VAC14: variants seen among roughly 807,000 people sequenced by gnomAD.
The protein encoded by VAC14 is VAC14 component of PIKFYVE complex, also known as protein VAC14 homolog.
VAC14 carries 47 observed loss-of-function variants against 85.3 expected under a neutral mutation model. The ratio of observed to expected loss-of-function variants is 0.55; its 90% CI spans 0.44 to 0.70. VAC14 has a LOEUF of 0.70. Ranked by LOEUF, VAC14 falls within the 30% of genes least tolerant of loss-of-function variation. The pLI, the probability that VAC14 is intolerant of heterozygous loss-of-function variation, is 0.00. For synonymous variants in VAC14, 447 were observed against 430.5 expected, an observed-to-expected ratio of 1.04 and a Z score of -0.47; for missense variants, 861 against 1,004.3, an observed-to-expected ratio of 0.86 and a Z score of 1.93.
At chr16:70,765,533 G>A (rs1168620223) in intron 10 of VAC14, among the ~76,000 whole-genome samples, 3 of 152,168 alleles carry the variant, frequency 2.0e-5, no homozygotes, top group Admixed American at 1.3e-4. Context: ...CTTCCATTTC[G>A]GGGAAGAGGG....
In VAC14 at chr16:70,721,711, C is replaced by T. The variant is rs747687212; in HGVS notation, c.1661+9784G>A. 2.6e-5 allele frequency among the ~76,000 whole-genome samples: 4 copies of T among 152,170 alleles called. No individual in the cohort carries two copies. In the South Asian group the frequency reaches 8.3e-4, roughly 31 times the overall value. ...GCTGCATGGGACAGCCATTGTGCCT[C>T]TCTGGGCTGCAGAACACGAACCCTC... is the stretch of plus-strand genomic sequence containing the variant. On this transcript the variant is annotated intron_variant, in intron 14 of 18. Coordinates refer to ENST00000261776, the MANE Select transcript of VAC14 (RefSeq NM_018052.5).
intron 13 of VAC14, among the ~76,000 whole-genome samples, chr16:70,736,169 T>C (rs149465067): frequency 1.3e-5 from 2 of 152,244 alleles, no homozygotes; most frequent in Non-Finnish European, 2.9e-5. Context: ...GCACTGAGCA[T>C]GGTGTTTAAG....
chr16:70,773,763 A>ATTATTAT (rs969338368), intron 9 of VAC14, among the ~76,000 whole-genome samples: 10 of 151,756 alleles, frequency 6.6e-5, no homozygotes, highest in Non-Finnish European at 1.2e-4. Flanking sequence ...TTCAATTATT[A>ATTATTAT]TTATTATTAT....
chr16:70,717,266 G>C (rs915599279), intron 14 of VAC14, among the ~76,000 whole-genome samples: 8 of 152,226 alleles, frequency 5.3e-5, no homozygotes, highest in African/African-American at 1.9e-4. Flanking sequence ...GAGAGGGCCG[G>C]AGCGAGCCAC....
Position 70,783,445 on chromosome 16 carries a change from A to T in VAC14, c.704T>A (p.Met235Lys). The change falls in exon 6 of 19, where the codon ATG becomes AAG. Residue 235 changes from methionine (M) to lysine (K), a missense_variant and splice_region_variant. Met to Lys is a moderately conservative substitution (Grantham distance 95). This residue lies in a region of VAC14 where 629 missense variants were observed against 703.1 expected (regional missense o/e 0.89). Transcript: ENST00000261776. ...LGDNGKEIRK[M>K]CEVVLGEFLK... is the part of the protein sequence containing the mutation. Reference sequence around the variant, plus strand: ...GCTTCCTGCCCCTTACTCCACTCACATTTTGCGAATCTCTTTGCCATTGTC... The same window carrying T: ...GCTTCCTGCCCCTTACTCCACTCACTTTTTGCGAATCTCTTTGCCATTGTC... 3.1e-6 allele frequency: 5 copies of T among 1,613,896 alleles called. No homozygotes were observed. Among genetic ancestry groups the T allele is most frequent in the Non-Finnish European group, 4.2e-6 (5 of 1,179,998 alleles).
intron 1 of VAC14, among the ~76,000 whole-genome samples, chr16:70,794,177 G>A (rs1457680285): frequency 6.6e-6 from 1 of 152,162 alleles, no homozygotes; most frequent in African/African-American, 2.4e-5. Flanking sequence ...TTAGAGTGTA[G>A]GTGTCAGCAG....
At chr16:70,710,731 G>A (rs912140021) in intron 14 of VAC14, among the ~76,000 whole-genome samples, 2 of 152,342 alleles carry the variant, frequency 1.3e-5, no homozygotes, top group East Asian at 3.9e-4. Flanking sequence ...GCCCACACTC[G>A]GCCCCTCTGG....
At chr16:70,738,143 G>A (rs1300665745) in intron 13 of VAC14, among the ~76,000 whole-genome samples, 1 of 152,222 alleles carries the variant, frequency 6.6e-6, no homozygotes, top group Non-Finnish European at 1.5e-5. Context: ...AGGCTGGTAT[G>A]GAACCAAGAG....
At chr16:70,763,571 G>C (rs1266717882) in intron 10 of VAC14, among the ~76,000 whole-genome samples, 1 of 152,236 alleles carries the variant, frequency 6.6e-6, no homozygotes, top group Non-Finnish European at 1.5e-5. Context: ...GTCAGGGATC[G>C]AGGCTTGTCA....
At chr16:70,759,023 T>C (rs1351852663) in intron 12 of VAC14, among the ~76,000 whole-genome samples, 1 of 152,052 alleles carries the variant, frequency 6.6e-6, no homozygotes, top group Non-Finnish European at 1.5e-5. Context: ...TGAGGAACAA[T>C]GGCAGACGAG....
chr16:70,692,823 G>T lies in VAC14; in HGVS notation c.2184C>A (p.Thr728=), dbSNP rs776495086. ...AGCAGTCCCCAGCCGGCACTCACTCGGTCTGCAGCAGCTCAGGGTTGGGCA... is the reference window on the plus strand; with the variant it reads ...AGCAGTCCCCAGCCGGCACTCACTCTGTCTGCAGCAGCTCAGGGTTGGGCA... The part of the protein sequence containing the change: ...QCVPNPELLQ[T]EDSLKAAPKS... The change falls in exon 18 of 19, where the codon ACC becomes ACA. Residue 728 remains threonine, a splice_region_variant and synonymous_variant. Transcript: ENST00000261776. The T allele has an allele frequency of 1.3e-6, 2 of 1,598,030 alleles. No individual in the cohort carries two copies. The highest frequency in any genetic ancestry group is 1.3e-5 in the African/African-American group (1 of 74,970).
intron 12 of VAC14, among the ~76,000 whole-genome samples, chr16:70,759,950 A>G (rs2032186240): frequency 1.3e-5 from 2 of 152,146 alleles, no homozygotes; most frequent in South Asian, 4.1e-4. Flanking sequence ...CTCAGGCCAT[A>G]GTTTTTAGAA....
At chr16:70,698,590 C>T (rs746518516) in intron 15 of VAC14, 47 bp downstream of exon 15, 6 of 1,607,846 alleles carry the variant, frequency 3.7e-6, no homozygotes, top group South Asian at 1.1e-5. Flanking sequence ...GGTGTGCCCC[C>T]TGGCATGCAG....
intron 16 of VAC14, among the ~76,000 whole-genome samples, chr16:70,696,235 A>T (rs1461972394): frequency 6.6e-6 from 1 of 152,152 alleles, no homozygotes; most frequent in Non-Finnish European, 1.5e-5. Context: ...AAATCTGGCC[A>T]GGCGCGGTGG....
At chr16:70,783,922 G>A (rs900438645) in intron 5 of VAC14, among the ~76,000 whole-genome samples, 191 bp downstream of exon 5, 4 of 152,198 alleles carry the variant, frequency 2.6e-5, no homozygotes, top group Admixed American at 1.3e-4. Flanking sequence ...ACAAGAACCT[G>A]ATCCCTTCAG....
intron 13 of VAC14, among the ~76,000 whole-genome samples, chr16:70,733,005 A>C (rs1284066259): frequency 3.3e-5 from 5 of 152,226 alleles, no homozygotes; most frequent in Non-Finnish European, 7.3e-5. Context: ...TCCATATACC[A>C]TAAGGTTAAT....
chr16:70,799,796 G>A lies in VAC14; in HGVS notation c.104+1001C>T, dbSNP rs151225557. Among the ~76,000 whole-genome samples, 4 of 152,316 alleles carry A rather than the reference G, an allele frequency of 2.6e-5. No individual in the cohort carries two copies. The East Asian group carries it at 7.7e-4, about 29-fold the overall frequency. On this transcript the variant is annotated intron_variant, in intron 1 of 18. Coordinates refer to ENST00000261776, the MANE Select transcript of VAC14 (RefSeq NM_018052.5). ...GAATAGATTAGAGCAGTCCAATAGA[G>A]CATTCTGCAATGATGGAAACAGTCT...
intron 10 of VAC14, chr16:70,771,545 T>C (rs899700492): frequency 3.3e-5 from 5 of 152,156 alleles, no homozygotes; most frequent in African/African-American, 1.2e-4. Flanking sequence ...TTAATTTTTT[T>C]TTAATATTTA....
intron 10 of VAC14, chr16:70,768,637 T>G (rs978551113): frequency 9.2e-6 from 3 of 325,280 alleles, no homozygotes; most frequent in Non-Finnish European, 1.8e-5. Flanking sequence ...AGAGGGGAGA[T>G]GAGGGAGGGG....
Sources: allele counts gnomAD v4.1 joint callset (sites outside exome capture counted in the v4.1 genomes callset), GRCh38; gene constraint gnomAD v4.1.1; regional missense constraint gnomAD v4.1.1; transcripts MANE v1.5; gene names NCBI Gene and HGNC (gene_info 2026-07-23, HGNC 2026-07-21).